Variants in CLDND1 observed in about 807,000 individuals in gnomAD.
The protein encoded by CLDND1 is claudin domain containing 1.
CLDND1 carries 13 observed loss-of-function variants against 26.3 expected under a neutral mutation model. The observed-to-expected ratio is 0.49, with a 90% CI of 0.32 to 0.78. The LOEUF (loss-of-function observed/expected upper bound fraction) is 0.78. Ranked by LOEUF, CLDND1 falls within the 30% of genes least tolerant of loss-of-function variation. The probability of loss-of-function intolerance (pLI) is 0.03; values close to 1 mark genes in which losing one functional copy is unlikely to be tolerated. For synonymous variants in CLDND1, 107 were observed against 107.0 expected (o/e 1.00, Z 0.00); for missense variants, 289 against 312.8 (o/e 0.92, Z 0.57).
At chr3:98,517,937 T>A (rs537299117) in intron 3 of CLDND1, among the ~76,000 whole-genome samples, 56 of 152,280 alleles carry the variant, frequency 3.7e-4, no homozygotes, top group African/African-American at 1.2e-3. Flanking sequence ...TAACAACAAG[T>A]AAATTAATGG....
intron 3 of CLDND1, among the ~76,000 whole-genome samples, chr3:98,518,240 T>C (rs1453232539): frequency 6.6e-6 from 1 of 152,200 alleles, no homozygotes; most frequent in Non-Finnish European, 1.5e-5. Context: ...AACTGCTTGC[T>C]ACACATTCTC....
At position 98,516,710 on chromosome 3, in the gene CLDND1, A is replaced by T. The variant is rs1706154828; in HGVS notation, c.711T>A (p.Ala237=). The T allele has an allele frequency of 6.2e-7, 1 of 1,614,154 alleles. No individual in the cohort carries two copies. The highest frequency in any genetic ancestry group is 8.5e-7 in the Non-Finnish European group (1 of 1,180,020). Residue 237 remains alanine (A), a synonymous_variant, in exon 5 of 5, where the codon GCT becomes GCA. Coordinates refer to ENST00000341181, the MANE Select transcript of CLDND1 (RefSeq NM_001040181.2). ...FMASALFIWA[A]HTNRKEYTLM... ...AGGTGTACTCTTTCCGGTTGGTGTGAGCAGCCCAGATGAAGAGAGCAGAAG... is the reference window on the plus strand; with the variant it reads ...AGGTGTACTCTTTCCGGTTGGTGTGTGCAGCCCAGATGAAGAGAGCAGAAG...
chr3:98,519,527 A>G (rs1330856425), intron 2 of CLDND1, among the ~76,000 whole-genome samples: 4 of 152,310 alleles, frequency 2.6e-5, no homozygotes, highest in East Asian at 1.9e-4. Context: ...AATTACTTCT[A>G]TAACCTCCTA....
chr3:98,520,502 G>T (rs528471260), intron 2 of CLDND1, among the ~76,000 whole-genome samples: 2 of 151,378 alleles, frequency 1.3e-5, no homozygotes, highest in East Asian at 3.9e-4. Flanking sequence ...TTTAATAACT[G>T]GAAATCAAAA....
intron 1 of CLDND1, 119 bp downstream of exon 1, chr3:98,522,730 C>T: frequency 1.3e-6 from 2 of 1,577,438 alleles, no homozygotes; most frequent in Admixed American, 1.8e-5. Flanking sequence ...TGGGACAAAT[C>T]CGCCGCTCGG....
intron 3 of CLDND1, 199 bp from the exon 4 acceptor site, chr3:98,517,388 G>C (rs1706190027): frequency 1.7e-6 from 1 of 599,972 alleles, no homozygotes; most frequent in Admixed American, 3.3e-5. Flanking sequence ...ACACTAACAG[G>C]TAGTAGCAAT....
At chr3:98,519,074 A>G in intron 2 of CLDND1, 79 bp from the exon 3 acceptor site, 2 of 841,510 alleles carry the variant, frequency 2.4e-6, no homozygotes, top group Non-Finnish European at 3.8e-6. Flanking sequence ...TCTCTGAAGT[A>G]AAACAGTAAA....
chr3:98,519,022 T>C lies in CLDND1; in HGVS notation c.293-27A>G, dbSNP rs1319478722. Reference sequence around the variant, plus strand: ...TGGAACAAGAACAATTGCCTGTTGTTTTAATTATAAACATTTAACAAAAAT... The same window carrying C: ...TGGAACAAGAACAATTGCCTGTTGTCTTAATTATAAACATTTAACAAAAAT... On this transcript the variant is annotated intron_variant, in intron 2 of 4. Coordinates refer to ENST00000341181, the MANE Select transcript of CLDND1 (RefSeq NM_001040181.2). 2.3e-6 allele frequency: 3 copies of C among 1,280,250 alleles called. No individual in the cohort carries two copies. The African/African-American group carries it at 4.5e-5, about 19-fold the overall frequency. 79.3% of individuals were successfully genotyped at this position (1,280,250 alleles called of 1,614,324 possible).
intron 1 of CLDND1, chr3:98,521,667 A>T: frequency 6.2e-7 from 1 of 1,612,792 alleles, no homozygotes; most frequent in Non-Finnish European, 8.5e-7. Context: ...GATGCTACGG[A>T]GACAGAGGTC....
At chr3:98,520,568 GTTTT>G (rs75322770) in intron 2 of CLDND1, among the ~76,000 whole-genome samples, 1 of 144,790 alleles carries the variant, frequency 6.9e-6, no homozygotes, top group Non-Finnish European at 1.5e-5. Flanking sequence ...CTAGTTTTTG[GTTTT>G]TTTTTTTTAA....
chr3:98,516,465 C>T lies in CLDND1; in HGVS notation c.*194G>A, dbSNP rs1460194534. On this transcript the variant is annotated 3_prime_UTR_variant, in exon 5 of 5. Transcript: ENST00000341181. ...GATTAGTTTATTTGAAAGATGGCAT[C>T]GCTTAAAGTAAACCACATAAATTTT... 2.2e-6 allele frequency: 3 copies of T among 1,359,260 alleles called. No individual in the cohort carries two copies. Among genetic ancestry groups the T allele is most frequent in the Non-Finnish European group, 1.9e-6 (2 of 1,061,024 alleles). 84.2% of individuals were successfully genotyped at this position (1,359,260 alleles called of 1,614,324 possible).
chr3:98,517,638 A>C (rs898596657), intron 3 of CLDND1, among the ~76,000 whole-genome samples: 2 of 152,218 alleles, frequency 1.3e-5, no homozygotes, highest in Non-Finnish European at 2.9e-5. Flanking sequence ...AAGCAATCTA[A>C]AGATGATTTA....
chr3:98,521,446 T>C lies in CLDND1; in HGVS notation c.-18-4A>G. On this transcript the variant is annotated splice_region_variant and splice_polypyrimidine_tract_variant and intron_variant, in intron 1 of 4. Coordinates refer to ENST00000341181, the MANE Select transcript of CLDND1 (RefSeq NM_001040181.2). ...CCATTCTGGCATTCAGACTGCTCTG[T>C]TTAGAAGTTGAAGAAAGAAGATAAG... The C allele has an allele frequency of 1.2e-6, 2 of 1,606,302 alleles. No homozygotes were observed. Among genetic ancestry groups the C allele is most frequent in the Non-Finnish European group, 8.5e-7 (1 of 1,175,402 alleles).
intron 1 of CLDND1, 193 bp from the exon 2 acceptor site, chr3:98,521,635 T>C (rs376270288): frequency 1.9e-6 from 3 of 1,599,942 alleles, no homozygotes; most frequent in African/African-American, 1.3e-5. Flanking sequence ...TAAAAGTACT[T>C]ATTGAATGCT....
rs1706171542 is a variant in CLDND1 at position 98,517,040 on chromosome 3, G to A, written c.541+12C>T. The A allele has an allele frequency of 6.2e-7, 1 of 1,613,710 alleles. No individual in the cohort carries two copies. Among genetic ancestry groups the A allele is most frequent in the Admixed American group, 1.7e-5 (1 of 59,894 alleles). Reference sequence around the variant, plus strand: ...GAAGAAGCTAAAAGGTAAGTATGATGACAAAACCTACCTGCAAGGAGATGG... The same window carrying A: ...GAAGAAGCTAAAAGGTAAGTATGATAACAAAACCTACCTGCAAGGAGATGG... On this transcript the variant is annotated intron_variant, in intron 4 of 4. Transcript: ENST00000341181.
chr3:98,521,319 G>T lies in CLDND1; in HGVS notation c.106C>A (p.Arg36=). 6.2e-7 allele frequency: 1 copy of T among 1,614,106 alleles called. No homozygotes were observed. Among genetic ancestry groups the T allele is most frequent in the Non-Finnish European group, 8.5e-7 (1 of 1,180,002 alleles). The change falls in exon 2 of 5, where the codon CGA becomes AGA. Residue 36 remains arginine (R), a synonymous_variant. Transcript: ENST00000341181. The part of the protein sequence containing the change: ...SIGTDFWYEY[R]SPVQENSSDL... ...CTGGAATTTTCTTGAACTGGACTTC[G>T]ATATTCATACCAGAAGTCTGTGCCA...
chr3:98,522,474 C>T (rs1228932691), intron 1 of CLDND1: 1 of 1,075,124 alleles, frequency 9.3e-7, no homozygotes, highest in African/African-American at 1.7e-5. Context: ...ACAACGAAAA[C>T]TCAAAAAGTT....
In CLDND1 at chr3:98,517,180, C is replaced by T. The variant is rs373607092; in HGVS notation, c.413G>A (p.Arg138His). The change falls in exon 4 of 5, where the codon CGT (arginine) becomes CAT (histidine). Residue 138 changes from arginine (R) to histidine (H), a missense_variant. Physicochemically the swap from Arg to His is conservative, Grantham distance 29. Coordinates refer to ENST00000341181, the MANE Select transcript of CLDND1 (RefSeq NM_001040181.2). The stretch of plus-strand genomic sequence containing the variant: ...CACAAAAGGTAAAAGGAACTGGCAA[C>T]GCCAAAGATCTGATTTTTAAAAAGA... ...GIDLLRTYLWRCQFLLPFVSL... is the reference protein window; with the variant it reads ...GIDLLRTYLWHCQFLLPFVSL... 1.6e-5 allele frequency: 25 copies of T among 1,609,314 alleles called. No homozygotes were observed. Among genetic ancestry groups the T allele is most frequent in the South Asian group, 4.5e-5 (4 of 89,576 alleles).
intron 1 of CLDND1, 167 bp downstream of exon 1, chr3:98,522,682 C>A (rs916626464): frequency 6.9e-7 from 1 of 1,456,448 alleles, no homozygotes; most frequent in Non-Finnish European, 9.0e-7. Context: ...CAGGGTCCCC[C>A]GGTACCCGAC....
Sources: gnomAD v4.1 joint callset for allele counts (sites outside exome capture counted in the v4.1 genomes callset) on GRCh38, gnomAD v4.1.1 for gene constraint, MANE v1.5 for transcripts, NCBI Gene and HGNC (gene_info 2026-07-23, HGNC 2026-07-21) for gene names.